SORCS1: variants seen among roughly 807,000 people sequenced by gnomAD.
The protein encoded by SORCS1 is VPS10 domain-containing receptor SorCS1.
A neutral mutation model predicts 146.1 loss-of-function variants in SORCS1; 60 were observed. The observed-to-expected ratio is 0.41, with a 90% CI of 0.33 to 0.51. The LOEUF is 0.51. Ranked by LOEUF, SORCS1 falls within the 20% of genes least tolerant of loss-of-function variation. The probability of loss-of-function intolerance (pLI) is 0.21; values close to 1 mark genes in which losing one functional copy is unlikely to be tolerated. For synonymous variants in SORCS1, 637 were observed against 584.0 expected (o/e 1.09, Z -1.31); for missense variants, 1,352 against 1,487.6 (o/e 0.91, Z 1.50).
rs186911237 is a variant in SORCS1, at chr10:106,840,733, T to C, written c.627-11060A>G. On this transcript the variant is annotated intron_variant, in intron 2 of 25. Transcript: ENST00000263054. ...TTATTGTTATTTTATTTTAAGAAAT[T>C]GCCAGAGCCACCTTAATCTTCAGCA... Among the ~76,000 whole-genome samples, 919 of 151,772 alleles carry C rather than the reference T, an allele frequency of 6.1e-3. 19 individuals carry two copies. Among genetic ancestry groups the C allele is most frequent in the African/African-American group, 0.021 (890 of 41,470 alleles).
chr10:106,819,686 G>C (rs1020480880), intron 3 of SORCS1, among the ~76,000 whole-genome samples: 3 of 152,122 alleles, frequency 2.0e-5, no homozygotes, highest in African/African-American at 7.2e-5. Context: ...CCACACTTGA[G>C]TCATAATTGT....
intron 4 of SORCS1, among the ~76,000 whole-genome samples, chr10:106,773,620 T>C (rs1223901372): frequency 6.6e-6 from 1 of 152,190 alleles, no homozygotes; most frequent in East Asian, 1.9e-4. Context: ...AGCCTGGCTC[T>C]TTCCCATCTG....
intron 3 of SORCS1, among the ~76,000 whole-genome samples, chr10:106,822,772 T>C (rs140445359): frequency 6.6e-6 from 1 of 150,666 alleles, no homozygotes; most frequent in East Asian, 1.9e-4. Context: ...TGTCTCTGAA[T>C]TCATGTGTGG....
chr10:107,119,382 G>A (rs1283246703), intron 1 of SORCS1, among the ~76,000 whole-genome samples: 1 of 152,186 alleles, frequency 6.6e-6, no homozygotes, highest in Non-Finnish European at 1.5e-5. Flanking sequence ...AAAGGCTATG[G>A]TTTGTATATA....
At chr10:107,135,697 C>T (rs924211051) in intron 1 of SORCS1, among the ~76,000 whole-genome samples, 2 of 152,156 alleles carry the variant, frequency 1.3e-5, no homozygotes, top group Non-Finnish European at 2.9e-5. Flanking sequence ...AAGCATTATT[C>T]TCTACAATTT....
intron 2 of SORCS1, among the ~76,000 whole-genome samples, chr10:106,934,525 C>T (rs58899787): frequency 0.023 from 3,491 of 152,192 alleles, 100 homozygotes; most frequent in South Asian, 0.11. Flanking sequence ...TCCCAAAGTG[C>T]TGGGATTACA....
At chr10:106,980,515 C>T (rs770507051) in intron 1 of SORCS1, among the ~76,000 whole-genome samples, 5 of 152,164 alleles carry the variant, frequency 3.3e-5, no homozygotes, top group South Asian at 4.1e-4. Flanking sequence ...AGTGCTAAGT[C>T]GACCAACTTT....
chr10:106,806,718 T>TGTTA (rs1230665058), intron 3 of SORCS1, among the ~76,000 whole-genome samples: 1 of 151,808 alleles, frequency 6.6e-6, no homozygotes, highest in Non-Finnish European at 1.5e-5. Context: ...GGTTTCACCA[T>TGTTA]GTTAGCCAGG....
chr10:106,824,001 T>G (rs1948174343), intron 3 of SORCS1, among the ~76,000 whole-genome samples: 1 of 152,154 alleles, frequency 6.6e-6, no homozygotes, highest in Admixed American at 6.5e-5. Context: ...CTCTTTGCTG[T>G]CCTCAAAAGT....
rs749174613 is a variant in SORCS1 at position 106,963,110 on chromosome 10, A to ATTTTTTTTTTTTTTTTTTT, written c.559-6549_559-6531dup. On this transcript the variant is annotated intron_variant, in intron 1 of 25. Transcript: ENST00000263054. ...AAGAGAGCAGTGTTCAATGGCCAGA[A>ATTTTTTTTTTTTTTTTTTT]TTTTTTTTTTTTTTTTTTTTTTTTT... Among the ~76,000 whole-genome samples, 52 of 76,310 alleles carry ATTTTTTTTTTTTTTTTTTT rather than the reference A, an allele frequency of 6.8e-4. 10 individuals are homozygous for ATTTTTTTTTTTTTTTTTTT. The highest frequency in any genetic ancestry group is 1.3e-3 in the East Asian group (3 of 2,284). The allele number at this position is 76,310 out of a possible 152,430, so 50.1% of individuals were successfully genotyped here. A position where few individuals can be genotyped will look rare whatever the true frequency, so the allele number is the denominator to read the frequency against.
intron 4 of SORCS1, among the ~76,000 whole-genome samples, chr10:106,770,662 G>A (rs1248203007): frequency 6.6e-6 from 1 of 152,074 alleles, no homozygotes; most frequent in African/African-American, 2.4e-5. Context: ...ATAAAAATAA[G>A]AAAACTTCAC....
chr10:106,607,663 G>C (rs916736877), intron 22 of SORCS1, among the ~76,000 whole-genome samples: 1 of 152,166 alleles, frequency 6.6e-6, no homozygotes, highest in Non-Finnish European at 1.5e-5. Flanking sequence ...GTAGGGCCTG[G>C]GGATTCAAAT....
chr10:107,099,537 C>A (rs1432058790), intron 1 of SORCS1, among the ~76,000 whole-genome samples: 1 of 152,138 alleles, frequency 6.6e-6, no homozygotes, highest in Non-Finnish European at 1.5e-5. Flanking sequence ...AATTCAGATT[C>A]TCAGTCACAC....
chr10:106,669,834 C>T lies in SORCS1; in HGVS notation c.2189+1403G>A, dbSNP rs535360745. 4.5e-3 allele frequency among the ~76,000 whole-genome samples: 690 copies of T among 152,268 alleles called. 10 individuals are homozygous for T. The highest frequency in any genetic ancestry group is 0.01 in the Middle Eastern group (3 of 294). ...ATACAGCTGTGGGTTACTGGTCTGA[C>T]GGCTGGCTGCCACTCTTGTCAGACC... On this transcript the variant is annotated intron_variant, in intron 16 of 25. Transcript: ENST00000263054.
chr10:106,895,827 G>A (rs1951451564), intron 2 of SORCS1, among the ~76,000 whole-genome samples: 2 of 152,090 alleles, frequency 1.3e-5, no homozygotes, highest in Non-Finnish European at 1.5e-5. Context: ...GCATGCCCAC[G>A]TTTATAGCAA....
At chr10:106,668,064 G>A (rs1851306111) in intron 16 of SORCS1, among the ~76,000 whole-genome samples, 1 of 152,152 alleles carries the variant, frequency 6.6e-6, no homozygotes, top group Non-Finnish European at 1.5e-5. Context: ...CAAGCTGAGA[G>A]AGTAGATTGT....
intron 2 of SORCS1, among the ~76,000 whole-genome samples, chr10:106,892,085 G>C (rs1261868762): frequency 6.6e-6 from 1 of 152,290 alleles, no homozygotes; most frequent in East Asian, 1.9e-4. Context: ...CCATGTCTCA[G>C]AGCAAAGGTT....
chr10:107,131,643 C>T (rs578062824), intron 1 of SORCS1, among the ~76,000 whole-genome samples: 2 of 152,238 alleles, frequency 1.3e-5, no homozygotes, highest in East Asian at 1.9e-4. Flanking sequence ...CTCTTGAACC[C>T]GGGAGGTAGA....
intron 1 of SORCS1, among the ~76,000 whole-genome samples, chr10:107,158,430 A>C (rs1327933189): frequency 6.6e-6 from 1 of 152,236 alleles, no homozygotes; most frequent in East Asian, 1.9e-4. Context: ...TCAGCTAAAA[A>C]TATCCTTGTA....
Sources: allele counts gnomAD v4.1 joint callset (sites outside exome capture counted in the v4.1 genomes callset), GRCh38; gene constraint gnomAD v4.1.1; transcripts MANE v1.5; gene names NCBI Gene and HGNC (gene_info 2026-07-23, HGNC 2026-07-21).